The following RPGRIP1L variants were observed in gnomAD, a reference collection of about 807,000 sequenced individuals.
RPGRIP1L encodes the protein protein fantom.
A neutral mutation model predicts 160.4 loss-of-function variants in RPGRIP1L; 131 were observed. That is an observed-to-expected ratio of 0.82 (90% CI 0.71 to 0.94). The LOEUF (loss-of-function observed/expected upper bound fraction) is 0.94, where lower values mean the gene tolerates loss of function less well. RPGRIP1L is among the 40% of genes least tolerant of loss of function. The pLI is 0.00. For missense variants in RPGRIP1L, 1,522 were observed against 1,535.8 expected (o/e 0.99, Z 0.15); for synonymous variants, 510 against 515.8 (o/e 0.99, Z 0.15).
intron 15 of RPGRIP1L, among the ~76,000 whole-genome samples, chr16:53,652,107 C>T (rs954320068): frequency 6.6e-6 from 1 of 151,910 alleles, no homozygotes; most frequent in African/African-American, 2.4e-5. Flanking sequence ...AGAGCGAAAG[C>T]TCTTGTTATC....
chr16:53,671,395 G>C, intron 9 of RPGRIP1L, 115 bp downstream of exon 9: 1 of 701,354 alleles, frequency 1.4e-6, no homozygotes, highest in Non-Finnish European at 2.5e-6. Flanking sequence ...CATATTTCTT[G>C]CTATCATTTG....
chr16:53,697,694 C>A (rs1176326900), intron 2 of RPGRIP1L, among the ~76,000 whole-genome samples: 2 of 152,048 alleles, frequency 1.3e-5, no homozygotes, highest in Non-Finnish European at 2.9e-5. Flanking sequence ...AGTGCAGTGG[C>A]GTGATCTCGG....
chr16:53,627,790 A>G (rs1182996083), intron 22 of RPGRIP1L, among the ~76,000 whole-genome samples: 1 of 152,142 alleles, frequency 6.6e-6, no homozygotes, highest in African/African-American at 2.4e-5. Flanking sequence ...TTTCAAATCC[A>G]ATTTATTCAT....
intron 10 of RPGRIP1L, among the ~76,000 whole-genome samples, chr16:53,660,574 A>C (rs1391312880): frequency 1.3e-5 from 2 of 152,048 alleles, no homozygotes; most frequent in African/African-American, 4.8e-5. Flanking sequence ...TAAAAAAAAA[A>C]AACCTGTGAT....
chr16:53,625,489 C>T (rs1965065125), intron 22 of RPGRIP1L, among the ~76,000 whole-genome samples: 1 of 144,598 alleles, frequency 6.9e-6, no homozygotes, highest in Non-Finnish European at 1.5e-5. Context: ...GGGGGCGCGC[C>T]TCCGCCCAGC....
Position 53,645,946 on chromosome 16 carries a change from T to C in RPGRIP1L, c.2362A>G (p.Asn788Asp). The change falls in exon 17 of 27, where the codon AAC (asparagine) becomes GAC (aspartate). Residue 788 changes from asparagine to aspartate, a missense_variant. Physicochemically the swap from Asn to Asp is conservative, Grantham distance 23. Transcript: ENST00000647211. ...QLSSTDSTDG[N>D]LNELHITIRC... is the part of the protein sequence containing the mutation. ...ATTGTAATGTGAAGTTCATTTAAGT[T>C]GCCATCTGTGGAATCTGTAGAACTG... The C allele has an allele frequency of 6.2e-7, 1 of 1,614,130 alleles. No homozygotes were observed. The highest frequency in any genetic ancestry group is 8.5e-7 in the Non-Finnish European group (1 of 1,179,986).
chr16:53,694,082 T>C (rs1970572150), intron 3 of RPGRIP1L: 1 of 152,176 alleles, frequency 6.6e-6, no homozygotes, highest in Admixed American at 6.5e-5. Context: ...CTGGATTTGA[T>C]TATTTTATCA....
rs1336943867 is a variant in RPGRIP1L at position 53,599,523 on chromosome 16, A to C, written c.*2553T>G. ...ATCACATCTCTATTTGTATTTCCAA[A>C]CTAAAAGCATTACAGCCCAAAAAAG... On this transcript the variant is annotated 3_prime_UTR_variant, in exon 27 of 27. Coordinates refer to ENST00000647211, the MANE Select transcript of RPGRIP1L (RefSeq NM_015272.5). 1 of 152,208 alleles carries C rather than the reference A, an allele frequency of 6.6e-6. No homozygotes were observed. Among genetic ancestry groups the C allele is most frequent in the Non-Finnish European group, 1.5e-5 (1 of 68,040 alleles). The allele number at this position is 152,208 out of a possible 1,614,324, so 9.4% of individuals were successfully genotyped here.
At chr16:53,643,344 G>A (rs1966359197) in intron 17 of RPGRIP1L, among the ~76,000 whole-genome samples, 1 of 150,018 alleles carries the variant, frequency 6.7e-6, no homozygotes, top group Non-Finnish European at 1.5e-5. Context: ...CTTGACAAGA[G>A]CCTATTTATA....
In RPGRIP1L at chr16:53,658,418, A is replaced by T. The variant is rs199786347; in HGVS notation, c.1397T>A (p.Ile466Lys). 6.2e-7 allele frequency: 1 copy of T among 1,610,034 alleles called. No individual in the cohort carries two copies. Residue 466 changes from isoleucine (I) to lysine (K), a missense_variant, in exon 12 of 27, where the codon ATA becomes AAA. Transcript: ENST00000647211. Reference protein sequence around the residue: ...ADELSEALLLIKAQKEQKNGD... With the variant: ...ADELSEALLLKKAQKEQKNGD... ...CGATGAAGTTCAGAACCTTACCTTT[A>T]TAAGTAGGAGAGCTTCACTCAATTC...
Position 53,638,381 on chromosome 16 carries a change from C to T in RPGRIP1L, c.2989G>A (p.Glu997Lys), listed in dbSNP as rs1391752720. The T allele has an allele frequency of 6.3e-7, 1 of 1,591,990 alleles. No individual in the cohort carries two copies. Among genetic ancestry groups the T allele is most frequent in the East Asian group, 2.2e-5 (1 of 44,608 alleles). Residue 997 changes from glutamate (E) to lysine (K), a missense_variant, in exon 20 of 27, where the codon GAA becomes AAA. Glu to Lys is a moderately conservative substitution (Grantham distance 56, BLOSUM62 1). Transcript: ENST00000647211. ...ETSPPPEDRK[E>K]ISPEVEHIPE... ...ATATGCTCTACCTCTGGTGAAATTT[C>T]CTTCCTATCTTCAGGAGGAGGAGAA...
intron 9 of RPGRIP1L, among the ~76,000 whole-genome samples, chr16:53,670,269 A>T (rs1397992630): frequency 3.3e-5 from 5 of 152,200 alleles, no homozygotes; most frequent in Non-Finnish European, 7.4e-5. Context: ...ATGTAAATTT[A>T]ATTTATAAAA....
At position 53,599,461 on chromosome 16, in the gene RPGRIP1L, C is replaced by T. The variant is rs1963289125; in HGVS notation, c.*2615G>A. The T allele has an allele frequency of 6.6e-6, 1 of 152,104 alleles. No homozygotes were observed. The highest frequency in any genetic ancestry group is 1.5e-5 in the Non-Finnish European group (1 of 68,016). The allele number at this position is 152,104 out of a possible 1,614,324, so 9.4% of individuals were successfully genotyped here. ...AATTTGACATTTCTACTACAGTAGG[C>T]AAAAATACATGTAAAATACACTCTC... On this transcript the variant is annotated 3_prime_UTR_variant, in exon 27 of 27. Transcript: ENST00000647211.
chr16:53,695,239 A>G, intron 3 of RPGRIP1L: 1 of 666,656 alleles, frequency 1.5e-6, no homozygotes, highest in Non-Finnish European at 2.7e-6. Flanking sequence ...GTGTGGGATA[A>G]TGGTCAGAAA....
In RPGRIP1L at chr16:53,652,751, G is replaced by A. The variant is rs1442222835; in HGVS notation, c.1936C>T (p.Pro646Ser). 1 of 1,613,808 alleles carries A rather than the reference G, an allele frequency of 6.2e-7. No individual in the cohort carries two copies. The highest frequency in any genetic ancestry group is 8.5e-7 in the Non-Finnish European group (1 of 1,179,820). ...AFYDFELQTT[P>S]VVRGLHPEYN... ...TCGGGATGAAGGCCTCGCACTACGG[G>A]AGTTGTCTGTAGTTCAAAATCATAG... Residue 646 changes from proline to serine, a missense_variant, in exon 15 of 27, where the codon CCC becomes TCC. Coordinates refer to ENST00000647211, the MANE Select transcript of RPGRIP1L (RefSeq NM_015272.5).
At chr16:53,632,184 T>C (rs771944308) in intron 22 of RPGRIP1L, among the ~76,000 whole-genome samples, 1 of 152,252 alleles carries the variant, frequency 6.6e-6, no homozygotes, top group South Asian at 2.1e-4. Flanking sequence ...AACTAGGAAC[T>C]GTCAGATTCT....
chr16:53,659,214 C>T (rs1426785277), intron 10 of RPGRIP1L: 3 of 969,800 alleles, frequency 3.1e-6, no homozygotes, highest in Non-Finnish European at 1.2e-6. Context: ...TTTTTACTTA[C>T]TTATTAAGGC....
chr16:53,678,323 G>A (rs1969344251), intron 6 of RPGRIP1L, among the ~76,000 whole-genome samples: 1 of 152,064 alleles, frequency 6.6e-6, no homozygotes, highest in African/African-American at 2.4e-5. Context: ...AAACAGTCAA[G>A]CAATAAACTC....
chr16:53,651,875 ATAT>A (rs151185455), intron 15 of RPGRIP1L, among the ~76,000 whole-genome samples: 3,391 of 152,068 alleles, frequency 0.022, 53 homozygotes, highest in South Asian at 0.04. Context: ...TAAATAGCTT[ATAT>A]TATTATTTAT....
Sources: gnomAD v4.1 joint callset for allele counts (sites outside exome capture counted in the v4.1 genomes callset) on GRCh38, gnomAD v4.1.1 for gene constraint, MANE v1.5 for transcripts, NCBI Gene and HGNC (gene_info 2026-07-23, HGNC 2026-07-21) for gene names.